Variants in SPATA17 observed in about 807,000 individuals in gnomAD.
SPATA17 encodes spermatogenesis associated 17.
SPATA17 carries 53 observed loss-of-function variants against 62.2 expected under a neutral mutation model. The ratio of observed to expected loss-of-function variants is 0.85; its 90% CI spans 0.68 to 1.07. The LOEUF is 1.07. Ranked by LOEUF, SPATA17 falls within the 50% of genes least tolerant of loss-of-function variation. The probability of loss-of-function intolerance (pLI) is 0.00; values close to 1 mark genes in which losing one functional copy is unlikely to be tolerated. For synonymous variants in SPATA17, 146 were observed against 146.8 expected (o/e 0.99, Z 0.04); for missense variants, 466 against 425.5 (o/e 1.10, Z -0.84).
At chr1:217,752,940 G>A (rs1181904989) in intron 6 of SPATA17, among the ~76,000 whole-genome samples, 3 of 152,100 alleles carry the variant, frequency 2.0e-5, no homozygotes, top group Non-Finnish European at 2.9e-5. Context: ...AAGTATATGT[G>A]GAAGTGACAG....
chr1:217,676,378 A>G (rs1413971570), intron 4 of SPATA17, among the ~76,000 whole-genome samples: 1 of 152,138 alleles, frequency 6.6e-6, no homozygotes, highest in Non-Finnish European at 1.5e-5. Context: ...TTGAAATTTA[A>G]AAGTCTGTGT....
rs1437672358 is a variant in SPATA17 at position 217,648,893 on chromosome 1, C to T, written c.80C>T (p.Pro27Leu). ...ACATTTTGTTTTAGTGTTGTAGATC[C>T]ATTTAGAAAAAAGGAGAATGATGCA... The part of the protein sequence containing the change: ...QYYFRNSVVD[P>L]FRKKENDAAV... Residue 27 changes from proline (P) to leucine (L), a missense_variant, in exon 2 of 11, where the codon CCA becomes CTA. Coordinates refer to ENST00000366933, the MANE Select transcript of SPATA17 (RefSeq NM_138796.4). 15 of 1,603,980 alleles carry T rather than the reference C, an allele frequency of 9.4e-6. No individual in the cohort carries two copies. Among genetic ancestry groups the T allele is most frequent in the East Asian group, 4.5e-5 (2 of 44,476 alleles).
chr1:217,728,644 G>A (rs1672326940), intron 5 of SPATA17, among the ~76,000 whole-genome samples: 2 of 151,880 alleles, frequency 1.3e-5, no homozygotes, highest in South Asian at 4.2e-4. Flanking sequence ...CATATTTTCA[G>A]TTTTTGATAT....
chr1:217,806,322 G>A (rs1262727606), intron 9 of SPATA17, among the ~76,000 whole-genome samples: 1 of 152,172 alleles, frequency 6.6e-6, no homozygotes, highest in Admixed American at 6.5e-5. Context: ...GGTGGGCCCT[G>A]CCCTAGAGGA....
chr1:217,673,559 T>C (rs2102899636), intron 4 of SPATA17, among the ~76,000 whole-genome samples: 2 of 152,292 alleles, frequency 1.3e-5, no homozygotes, highest in South Asian at 4.1e-4. Context: ...CAGTTCTCTT[T>C]CTTTGAACAG....
chr1:217,788,125 T>C (rs957158890), intron 8 of SPATA17, among the ~76,000 whole-genome samples: 5 of 152,054 alleles, frequency 3.3e-5, no homozygotes, highest in Non-Finnish European at 5.9e-5. Context: ...ATAAATCAGA[T>C]GATATAGGCT....
intron 9 of SPATA17, among the ~76,000 whole-genome samples, chr1:217,804,449 A>G (rs1214544767): frequency 6.6e-6 from 1 of 152,234 alleles, no homozygotes; most frequent in Admixed American, 6.5e-5. Flanking sequence ...AGAAGGAAAT[A>G]TAGGAAAAAA....
At chr1:217,683,684 C>T (rs1189552422) in intron 5 of SPATA17, among the ~76,000 whole-genome samples, 2 of 152,148 alleles carry the variant, frequency 1.3e-5, no homozygotes, top group Non-Finnish European at 2.9e-5. Context: ...TTGTGATCTG[C>T]CCGCCTCGGC....
At chr1:217,656,569 T>A (rs1367807789) in intron 3 of SPATA17, among the ~76,000 whole-genome samples, 2 of 151,954 alleles carry the variant, frequency 1.3e-5, no homozygotes, top group Non-Finnish European at 2.9e-5. Context: ...TATGTATGTA[T>A]GTATGTATGT....
chr1:217,867,501 G>C lies in SPATA17; in HGVS notation c.*482G>C, dbSNP rs2103018851. 1 of 152,330 alleles carries C rather than the reference G, an allele frequency of 6.6e-6. No individual in the cohort carries two copies. Among genetic ancestry groups the C allele is most frequent in the East Asian group, 1.9e-4 (1 of 5,188 alleles). The allele number at this position is 152,330 out of a possible 1,614,324, so 9.4% of individuals were successfully genotyped here. ...AGAAACCCTTCAGACTGTTGAACTT[G>C]AGACACACAGACACAACAGACACAG... On this transcript the variant is annotated 3_prime_UTR_variant, in exon 11 of 11. Transcript: ENST00000366933.
At chr1:217,675,055 C>T (rs1670916630) in intron 4 of SPATA17, among the ~76,000 whole-genome samples, 1 of 152,186 alleles carries the variant, frequency 6.6e-6, no homozygotes, top group Non-Finnish European at 1.5e-5. Flanking sequence ...TCTTTCAGCC[C>T]TCCAGCTGTT....
Position 217,631,388 on chromosome 1 carries a change from T to G in SPATA17, c.10T>G (p.Leu4Val), listed in dbSNP as rs753327347. ...CCAAGGCCAAGAGACCATGGCCACG[T>G]TAGCCCGGCTGCAAGCTAGGTCGTC... Reference protein sequence around the residue: MATLARLQARSSTV... With the variant: MATVARLQARSSTV... The change falls in exon 1 of 11, where the codon TTA becomes GTA. Residue 4 changes from leucine (L) to valine (V), a missense_variant. By Grantham distance (32) the Leu-to-Val change is conservative. Transcript: ENST00000366933. The G allele has an allele frequency of 1.2e-6, 2 of 1,614,164 alleles. No individual in the cohort carries two copies. The highest frequency in any genetic ancestry group is 1.7e-6 in the Non-Finnish European group (2 of 1,180,030).
chr1:217,734,314 A>C (rs1571766974), intron 5 of SPATA17, among the ~76,000 whole-genome samples: 1 of 152,242 alleles, frequency 6.6e-6, no homozygotes. Flanking sequence ...AATTTAACTA[A>C]AACACTTTTA....
chr1:217,822,412 CTT>C (rs1674886181), intron 9 of SPATA17, among the ~76,000 whole-genome samples: 1 of 151,252 alleles, frequency 6.6e-6, no homozygotes, highest in Admixed American at 6.6e-5. Flanking sequence ...ACGAGTTTGT[CTT>C]TTTCTTACTA....
At chr1:217,704,151 G>A (rs934799264) in intron 5 of SPATA17, among the ~76,000 whole-genome samples, 4 of 138,452 alleles carry the variant, frequency 2.9e-5, no homozygotes, top group Non-Finnish European at 6.2e-5. Context: ...TGGGTGTACA[G>A]ATTTTTTCGC....
At chr1:217,658,671 T>G (rs7548501) in intron 3 of SPATA17, among the ~76,000 whole-genome samples, 80 of 151,936 alleles carry the variant, frequency 5.3e-4, no homozygotes, top group African/African-American at 1.9e-3. Flanking sequence ...GGCAGGAGAA[T>G]GGCGTGAACC....
At chr1:217,744,462 CAAAAAAAAA>C (rs766645844) in intron 6 of SPATA17, among the ~76,000 whole-genome samples, 1 of 30,598 alleles carries the variant, frequency 3.3e-5, no homozygotes, top group East Asian at 8.1e-4. Context: ...GACTCCGTCT[CAAAAAAAAA>C]AAAAAAAAAA....
intron 10 of SPATA17, among the ~76,000 whole-genome samples, chr1:217,866,313 C>T (rs575524061): frequency 3.9e-5 from 6 of 152,304 alleles, no homozygotes; most frequent in Middle Eastern, 3.4e-3. Context: ...TTGTCTTTGA[C>T]TAAAAATATT....
intron 8 of SPATA17, among the ~76,000 whole-genome samples, chr1:217,792,498 T>C (rs1674019649): frequency 6.6e-6 from 1 of 152,178 alleles, no homozygotes; most frequent in Admixed American, 6.5e-5. Context: ...TTGTAAATCA[T>C]AAACTTTCTT....
Sources: gnomAD v4.1 joint callset for allele counts (sites outside exome capture counted in the v4.1 genomes callset) on GRCh38, gnomAD v4.1.1 for gene constraint, MANE v1.5 for transcripts, NCBI Gene and HGNC (gene_info 2026-07-23, HGNC 2026-07-21) for gene names.